Variants in AMPD2 observed in about 807,000 individuals in gnomAD.
The protein encoded by AMPD2 is AMP deaminase 2.
Under a neutral mutation model 91.3 loss-of-function variants are expected in AMPD2, and 52 were observed. The ratio of observed to expected loss-of-function variants is 0.57; its 90% CI spans 0.46 to 0.72. The LOEUF is 0.72. Ranked by LOEUF, AMPD2 falls within the 30% of genes least tolerant of loss-of-function variation. AMPD2 has a pLI of 0.00. For synonymous variants in AMPD2, 455 were observed against 456.4 expected, an observed-to-expected ratio of 1.00 and a Z score of 0.04; for missense variants, 822 against 1,122.3, an observed-to-expected ratio of 0.73 and a Z score of 3.82.
In AMPD2 at chr1:109,624,143, G is replaced by A. The variant is rs866040468; in HGVS notation, c.92-1160G>A. The A allele has an allele frequency of 9.9e-6, 9 of 906,706 alleles. No individual in the cohort carries two copies. Among genetic ancestry groups the A allele is most frequent in the South Asian group, 5.1e-5 (1 of 19,790 alleles). 56.2% of individuals were successfully genotyped at this position (906,706 alleles called of 1,614,324 possible). On this transcript the variant is annotated intron_variant, in intron 2 of 18. Transcript: ENST00000528667. The surrounding 1 kb of genome is among the most constrained non-coding windows in gnomAD (Gnocchi z 5.2). ...CAGGGGACGGGGTCCTGGATCTGGG[G>A]CAGGCCCCTCCCTCTTCCCTTTGTC...
In AMPD2 at chr1:109,630,214, C is replaced by G; in HGVS notation, c.1984-19C>G. On this transcript the variant is annotated intron_variant, in intron 16 of 18. Transcript: ENST00000528667. ...CTCGGGGCCACCTGACAGGCCCTCCCTCCCTGTTGCCTGCCCAGGCCCCCG... is the reference window on the plus strand; with the variant it reads ...CTCGGGGCCACCTGACAGGCCCTCCGTCCCTGTTGCCTGCCCAGGCCCCCG... The G allele has an allele frequency of 6.2e-7, 1 of 1,610,084 alleles. No homozygotes were observed. Among genetic ancestry groups the G allele is most frequent in the Non-Finnish European group, 8.5e-7 (1 of 1,179,924 alleles).
rs1399245731 is a variant in AMPD2, at chr1:109,625,139, C to T, written c.92-164C>T. Among the ~76,000 whole-genome samples, 3 of 152,008 alleles carry T rather than the reference C, an allele frequency of 2.0e-5. No homozygotes were observed. Among genetic ancestry groups the T allele is most frequent in the Non-Finnish European group, 2.9e-5 (2 of 67,952 alleles). ...CCCTGCGTTAGAGGTGAGGGTGAGC[C>T]CTTTGGGAGCCACACACACAGGCCT... On this transcript the variant is annotated intron_variant, in intron 2 of 18. Transcript: ENST00000528667. This position sits in a 1 kb window ranked among gnomAD's most constrained non-coding sequence, Gnocchi z 4.0.
chr1:109,626,505 TG>T (rs1264741879), intron 6 of AMPD2, 78 bp downstream of exon 6: 2 of 1,422,264 alleles, frequency 1.4e-6, no homozygotes, highest in African/African-American at 1.5e-5. Flanking sequence ...GAGCTGGGGG[TG>T]GGGGCTGGAA....
chr1:109,619,944 G>T lies in AMPD2; in HGVS notation c.-597G>T, dbSNP rs1256462234. The T allele has an allele frequency of 2.5e-6, 1 of 407,750 alleles. No individual in the cohort carries two copies. The highest frequency in any genetic ancestry group is 2.1e-5 in the African/African-American group (1 of 48,066). The allele number at this position is 407,750 out of a possible 1,614,324, so 25.3% of individuals were successfully genotyped here. A position where few individuals can be genotyped will look rare whatever the true frequency, so the allele number is the denominator to read the frequency against. Reference sequence around the variant, plus strand: ...GGGAGTCCGACCCTGAATGCCCAGGGAGTGTTGAGAGAAATCTGGACGAGT... The same window carrying T: ...GGGAGTCCGACCCTGAATGCCCAGGTAGTGTTGAGAGAAATCTGGACGAGT... On this transcript the variant is annotated 5_prime_UTR_variant, in exon 1 of 19. An upstream open reading frame in the 5' UTR gains an earlier in-frame stop. Transcript: ENST00000528667.
chr1:109,625,658 C>G lies in AMPD2; in HGVS notation c.223-4C>G, dbSNP rs116223306. The G allele has an allele frequency of 1.5e-5, 25 of 1,613,680 alleles. No individual in the cohort carries two copies. Among genetic ancestry groups the G allele is most frequent in the African/African-American group, 4.0e-5 (3 of 74,924 alleles). ...CCATGCTGACCTTCCTTCCCTCCCC[C>G]CAGGAGCTGTTCACCCGCTCACTGG... On this transcript the variant is annotated splice_region_variant and splice_polypyrimidine_tract_variant and intron_variant, in intron 3 of 18. Coordinates refer to ENST00000528667, the MANE Select transcript of AMPD2 (RefSeq NM_001368809.2). This position sits in a 1 kb window ranked among gnomAD's most constrained non-coding sequence, Gnocchi z 4.0.
At position 109,628,714 on chromosome 1, in the gene AMPD2, G is replaced by A. The variant is rs777419165; in HGVS notation, c.1479G>A (p.Ser493=). The A allele has an allele frequency of 3.8e-5, 61 of 1,612,626 alleles. No homozygotes were observed. Among genetic ancestry groups the A allele is most frequent in the East Asian group, 2.0e-4 (9 of 44,820 alleles). Residue 493 remains serine (S), a synonymous_variant, in exon 13 of 19, where the codon TCG becomes TCA. Transcript: ENST00000528667. This position sits in a 1 kb window ranked among gnomAD's most constrained non-coding sequence, Gnocchi z 7.1. ...AELRLSIYGR[S]RDEWDKLARW... is the part of the protein sequence containing the mutation. ...TGCGGCTCTCCATTTACGGGCGCTC[G>A]AGGGATGAGTGGGACAAGCTGGCGC...
At position 109,629,327 on chromosome 1, in the gene AMPD2, G is replaced by T; in HGVS notation, c.1699G>T (p.Val567Leu). 1.2e-6 allele frequency: 2 copies of T among 1,614,170 alleles called. No homozygotes were observed. Among genetic ancestry groups the T allele is most frequent in the Non-Finnish European group, 1.7e-6 (2 of 1,180,024 alleles). Reference sequence around the variant, plus strand: ...TTCTGACCCCAGGGTTCTGTATTAGGTGGATGGTTTTGACAGCGTGGATGA... The same window carrying T: ...TTCTGACCCCAGGGTTCTGTATTAGTTGGATGGTTTTGACAGCGTGGATGA... ...HPELHLFLEH[V>L]DGFDSVDDES... The change falls in exon 15 of 19, where the codon GTG becomes TTG. Residue 567 changes from valine (V) to leucine (L), a missense_variant and splice_region_variant. Physicochemically the swap from Val to Leu is conservative, Grantham distance 32. Transcript: ENST00000528667.
At position 109,627,365 on chromosome 1, in the gene AMPD2, G is replaced by A. The variant is rs371518270; in HGVS notation, c.860+49G>A. On this transcript the variant is annotated intron_variant, in intron 8 of 18. Coordinates refer to ENST00000528667, the MANE Select transcript of AMPD2 (RefSeq NM_001368809.2). Reference sequence around the variant, plus strand: ...GGGGGGATGCAGCGTGGGAGGTTGCGTTGGCTTGGGAGAGGCCACAGGGCT... The same window carrying A: ...GGGGGGATGCAGCGTGGGAGGTTGCATTGGCTTGGGAGAGGCCACAGGGCT... The A allele has an allele frequency of 1.7e-4, 268 of 1,613,098 alleles. No homozygotes were observed. The South Asian group carries it at 2.5e-3, about 15-fold the overall frequency.
At position 109,631,253 on chromosome 1, in the gene AMPD2, C is replaced by T. The variant is rs565366235; in HGVS notation, c.*101C>T. ...GGTCTCTGCATGTCTCCATTCTTCT[C>T]TGTCTCTGTCTTGCATGTCTCCTAC... On this transcript the variant is annotated 3_prime_UTR_variant, in exon 19 of 19. Coordinates refer to ENST00000528667, the MANE Select transcript of AMPD2 (RefSeq NM_001368809.2). The T allele has an allele frequency of 8.5e-7, 1 of 1,171,504 alleles. No homozygotes were observed. 72.6% of individuals were successfully genotyped at this position (1,171,504 alleles called of 1,614,324 possible).
intron 2 of AMPD2, 158 bp downstream of exon 2, chr1:109,621,424 T>TGG: frequency 8.5e-6 from 1 of 117,352 alleles, no homozygotes; most frequent in Non-Finnish European, 1.7e-5. Context: ...GCTTGGAAGG[T>TGG]GGGGTGAGGG....
At position 109,628,244 on chromosome 1, in the gene AMPD2, C is replaced by A; in HGVS notation, c.1242C>A (p.Tyr414Ter). Residue 414 changes from tyrosine (Y) to a stop codon, truncating the protein, a stop_gained, in exon 11 of 19, where the codon TAC becomes TAA. Coordinates refer to ENST00000528667, the MANE Select transcript of AMPD2 (RefSeq NM_001368809.2). LOFTEE classifies it high-confidence loss of function. This position sits in a 1 kb window ranked among gnomAD's most constrained non-coding sequence, Gnocchi z 7.1. ...EVFESMNLTA[Y>*]DLSVDTLDVH... ...TTGAGAGCATGAATCTCACGGCCTA[C>A]GACCTGAGTGTGGACACGCTGGATG... 6 of 1,613,892 alleles carry A rather than the reference C, an allele frequency of 3.7e-6. No homozygotes were observed. The highest frequency in any genetic ancestry group is 5.1e-6 in the Non-Finnish European group (6 of 1,179,952).
At position 109,620,817 on chromosome 1, in the gene AMPD2, C is replaced by A. The variant is rs1650184283; in HGVS notation, c.-262-97C>A. The A allele has an allele frequency of 4.4e-6, 6 of 1,351,912 alleles. No homozygotes were observed. In the South Asian group the frequency reaches 1.2e-4, roughly 28 times the overall value. 83.7% of individuals were successfully genotyped at this position (1,351,912 alleles called of 1,614,324 possible). On this transcript the variant is annotated intron_variant, in intron 1 of 18. Coordinates refer to ENST00000528667, the MANE Select transcript of AMPD2 (RefSeq NM_001368809.2). ...TGGCTTCTTTGCCCGGGAGCCCTGG[C>A]ATGATGGGGTGAGGGCTCTTGGTGG...
chr1:109,624,766 A>G lies in AMPD2; in HGVS notation c.92-537A>G, dbSNP rs1650507740. ...AGCTGCGGCTTCTCTTGTGCTGCAC[A>G]GGTCTAGGATGTCAGGCACAGGGCC... On this transcript the variant is annotated intron_variant, in intron 2 of 18. Coordinates refer to ENST00000528667, the MANE Select transcript of AMPD2 (RefSeq NM_001368809.2). This position sits in a 1 kb window ranked among gnomAD's most constrained non-coding sequence, Gnocchi z 5.2. Among the ~76,000 whole-genome samples, 1 of 152,134 alleles carries G rather than the reference A, an allele frequency of 6.6e-6. No individual in the cohort carries two copies. The highest frequency in any genetic ancestry group is 6.5e-5 in the Admixed American group (1 of 15,286).
In AMPD2 at chr1:109,625,683, G is replaced by A. The variant is rs375398656; in HGVS notation, c.244G>A (p.Ala82Thr). 8.7e-6 allele frequency: 14 copies of A among 1,614,008 alleles called. No homozygotes were observed. In the African/African-American group the frequency reaches 1.7e-4, roughly 20 times the overall value. ...CCAGGAGCTGTTCACCCGCTCACTG[G>A]CTGAGAGCGAGCTCCGTAGTGCCCC... ...IAEELFTRSL[A>T]ESELRSAPYE... The change falls in exon 4 of 19, where the codon GCT becomes ACT. Residue 82 changes from alanine to threonine, a missense_variant. Coordinates refer to ENST00000528667, the MANE Select transcript of AMPD2 (RefSeq NM_001368809.2). The surrounding 1 kb of genome is among the most constrained non-coding windows in gnomAD (Gnocchi z 4.0).
Position 109,624,619 on chromosome 1 carries a change from C to T in AMPD2, c.92-684C>T, listed in dbSNP as rs1429561755. On this transcript the variant is annotated intron_variant, in intron 2 of 18. Transcript: ENST00000528667. This position sits in a 1 kb window ranked among gnomAD's most constrained non-coding sequence, Gnocchi z 5.2. ...CTAAGGCCAGGCCACATTTTGGCAG[C>T]CCTGGGGCCCTGGGGGACAGGGCGG... Among the ~76,000 whole-genome samples, 2 of 152,162 alleles carry T rather than the reference C, an allele frequency of 1.3e-5. No individual in the cohort carries two copies. Among genetic ancestry groups the T allele is most frequent in the African/African-American group, 2.4e-5 (1 of 41,454 alleles).
chr1:109,624,125 C>A lies in AMPD2; in HGVS notation c.92-1178C>A. On this transcript the variant is annotated intron_variant, in intron 2 of 18. Coordinates refer to ENST00000528667, the MANE Select transcript of AMPD2 (RefSeq NM_001368809.2). The surrounding 1 kb of genome is among the most constrained non-coding windows in gnomAD (Gnocchi z 5.2). ...GGCAGGGGCCGGGGTGCGCAGGGGACGGGGTCCTGGATCTGGGGCAGGCCC... is the reference window on the plus strand; with the variant it reads ...GGCAGGGGCCGGGGTGCGCAGGGGAAGGGGTCCTGGATCTGGGGCAGGCCC... 1 of 968,572 alleles carries A rather than the reference C, an allele frequency of 1.0e-6. No individual in the cohort carries two copies. The highest frequency in any genetic ancestry group is 1.2e-6 in the Non-Finnish European group (1 of 814,528). 60.0% of individuals were successfully genotyped at this position (968,572 alleles called of 1,614,324 possible).
intron 15 of AMPD2, 124 bp from the exon 16 acceptor site, chr1:109,629,672 C>G: frequency 6.8e-7 from 1 of 1,476,568 alleles, no homozygotes; most frequent in Non-Finnish European, 9.2e-7. Context: ...ACCCCTGTCC[C>G]CCTTATCCCA....
chr1:109,631,197 G>A lies in AMPD2; in HGVS notation c.*45G>A, dbSNP rs543608559. 3.3e-6 allele frequency: 5 copies of A among 1,534,636 alleles called. No homozygotes were observed. In the South Asian group the frequency reaches 4.8e-5, roughly 15 times the overall value. ...CACCACATCGCAGCACTTTTACCAC[G>A]TTTTGTCCTCAGACCCCGCCCATGC... is the stretch of plus-strand genomic sequence containing the variant. On this transcript the variant is annotated 3_prime_UTR_variant, in exon 19 of 19. Transcript: ENST00000528667.
In AMPD2 at chr1:109,626,142, C is replaced by G. The variant is rs761001167; in HGVS notation, c.354-18C>G. 5 of 1,614,016 alleles carry G rather than the reference C, an allele frequency of 3.1e-6. No homozygotes were observed. Among genetic ancestry groups the G allele is most frequent in the Non-Finnish European group, 4.2e-6 (5 of 1,179,962 alleles). On this transcript the variant is annotated intron_variant, in intron 4 of 18. Transcript: ENST00000528667. ...GTCCCTCGGGATCTGCCTGACTTCT[C>G]ACCCCTCTTGCCTCTAGGCTGGAGC... is the stretch of plus-strand genomic sequence containing the variant.
Sources: gnomAD v4.1 joint callset for allele counts (sites outside exome capture counted in the v4.1 genomes callset) on GRCh38, gnomAD v4.1.1 for gene constraint, Gnocchi (gnomAD v3.1) non-coding constraint, MANE v1.5 for transcripts, NCBI Gene and HGNC (gene_info 2026-07-23, HGNC 2026-07-21) for gene names.